The following KLF8 variants were observed in gnomAD, a reference collection of about 807,000 sequenced individuals.
KLF8 encodes KLF transcription factor 8.
KLF8 carries 10 observed loss-of-function variants against 18.2 expected under a neutral mutation model. The observed-to-expected ratio is 0.55, with a 90% CI of 0.34 to 0.93. KLF8 has a LOEUF of 0.93. KLF8 is among the 40% of genes least tolerant of loss of function. The pLI is 0.02. For synonymous variants in KLF8, 109 were observed against 97.3 expected, an observed-to-expected ratio of 1.12 and a Z score of -0.71; for missense variants, 264 against 277.9, an observed-to-expected ratio of 0.95 and a Z score of 0.36.
At chrX:56,094,386 C>T in the KLF8 span, among the ~76,000 whole-genome samples, 1 of 111,034 alleles carries the variant, frequency 9.0e-6, no homozygotes, top group East Asian at 2.8e-4. Context: ...TATATAATGA[C>T]TAAGTACAAA....
chrX:56,194,045 G>C, the KLF8 span, among the ~76,000 whole-genome samples: 3 of 111,813 alleles, frequency 2.7e-5, no homozygotes, highest in Non-Finnish European at 5.6e-5. Flanking sequence ...TGATTACTGT[G>C]TATTGCATCC....
the KLF8 span, among the ~76,000 whole-genome samples, chrX:56,060,803 G>C: frequency 9.0e-6 from 1 of 111,622 alleles, no homozygotes; most frequent in Non-Finnish European, 1.9e-5. Context: ...GGTAGAATTC[G>C]GCTGTGAATC....
At chrX:56,101,343 A>T in the KLF8 span, among the ~76,000 whole-genome samples, 1 of 111,831 alleles carries the variant, frequency 8.9e-6, no homozygotes, top group Non-Finnish European at 1.9e-5. Context: ...GTCTATATGT[A>T]CCATATTTTC....
At chrX:56,176,932 G>C in the KLF8 span, among the ~76,000 whole-genome samples, 3 of 111,466 alleles carry the variant, frequency 2.7e-5, no homozygotes, top group Non-Finnish European at 3.8e-5. Flanking sequence ...TATACTTCTC[G>C]TGCCTTGGTT....
At chrX:55,934,414 C>T in the KLF8 span, among the ~76,000 whole-genome samples, 1 of 112,085 alleles carries the variant, frequency 8.9e-6, no homozygotes, top group Non-Finnish European at 1.9e-5. Context: ...TACAGCATTC[C>T]ATCAAACATA....
chrX:56,120,455 G>A, the KLF8 span, among the ~76,000 whole-genome samples: 2 of 112,153 alleles, frequency 1.8e-5, no homozygotes, highest in Non-Finnish European at 3.8e-5. Flanking sequence ...CAGCTGGCCA[G>A]GTGTCCAACT....
the KLF8 span, among the ~76,000 whole-genome samples, chrX:56,076,441 T>C: frequency 1.8e-5 from 2 of 110,539 alleles, no homozygotes; most frequent in Non-Finnish European, 3.8e-5. Flanking sequence ...ATTTCCAATT[T>C]CATCCATGTC....
At chrX:56,189,807 G>A in the KLF8 span, among the ~76,000 whole-genome samples, 175 of 97,469 alleles carry the variant, frequency 1.8e-3, 1 homozygote, top group Non-Finnish European at 3.1e-3. Flanking sequence ...ACTCATAGGT[G>A]GGAATTGAAC....
chrX:56,250,278 G>T lies in KLF8; in HGVS notation c.55G>T (p.Gly19Cys), dbSNP rs1409861399. 38 of 1,205,745 alleles carry T rather than the reference G, an allele frequency of 3.2e-5. No homozygotes were observed. The East Asian group carries it at 1.0e-3, about 32-fold the overall frequency. ...CTTGGAGGTCCAACTTAATTCAGAAGGTGGCTCAATGCAGGTATTCAAGCA... is the reference window on the plus strand; with the variant it reads ...CTTGGAGGTCCAACTTAATTCAGAATGTGGCTCAATGCAGGTATTCAAGCA... ...NNLEVQLNSE[G>C]GSMQVFKQVT... The change falls in exon 2 of 6, where the codon GGT (glycine) becomes TGT (cysteine). Residue 19 changes from glycine (G) to cysteine (C), a missense_variant. Around this residue, in one of 2 missense-constraint regions of KLF8, gnomAD observed 221 missense variants for 193.6 expected, o/e 1.14. Coordinates refer to ENST00000468660, the MANE Select transcript of KLF8 (RefSeq NM_007250.5).
At chrX:56,088,629 C>A in the KLF8 span, among the ~76,000 whole-genome samples, 4 of 111,763 alleles carry the variant, frequency 3.6e-5, no homozygotes, top group Non-Finnish European at 7.5e-5. Flanking sequence ...CTCTCCTTTT[C>A]TCACTTTTAT....
chrX:56,074,437 G>A, the KLF8 span: 2 of 111,133 alleles, frequency 1.8e-5, no homozygotes, highest in Admixed American at 1.9e-4. Flanking sequence ...TATATATTTA[G>A]GTGATTGATT....
rs1194088007 is a variant in KLF8 at position 56,286,854 on chromosome X, T to C, written c.*2360T>C. ...CTAGGCGATATCTAGGGCCAGTCTG[T>C]TAAAGGGGACCTCTAATGTAGCTAT... On this transcript the variant is annotated 3_prime_UTR_variant, in exon 6 of 6. Coordinates refer to ENST00000468660, the MANE Select transcript of KLF8 (RefSeq NM_007250.5). 8.9e-6 allele frequency: 1 copy of C among 112,149 alleles called. No individual in the cohort carries two copies. Among genetic ancestry groups the C allele is most frequent in the Non-Finnish European group, 1.9e-5 (1 of 53,247 alleles). The allele number at this position is 112,149 out of a possible 1,213,427, so 9.2% of individuals were successfully genotyped here. A position where few individuals can be genotyped will look rare whatever the true frequency, so the allele number is the denominator to read the frequency against.
rs1416256922 is a variant in KLF8 at position 56,276,735 on chromosome X, T to C, written c.898+6414T>C. On this transcript the variant is annotated intron_variant, in intron 5 of 5. Transcript: ENST00000468660. ...TTAAATGCTTTGAGGTGGTCTTCTT[T>C]GGGTTAAATTTGCTTGGTGTTCTAT... Among the ~76,000 whole-genome samples, 4 of 111,791 alleles carry C rather than the reference T, an allele frequency of 3.6e-5. No individual in the cohort carries two copies. The East Asian group carries it at 1.1e-3, about 31-fold the overall frequency.
chrX:56,045,656 T>C, the KLF8 span, among the ~76,000 whole-genome samples: 1 of 112,091 alleles, frequency 8.9e-6, no homozygotes, highest in East Asian at 2.8e-4. Flanking sequence ...ATTTTACTTT[T>C]TTTGCACCTG....
the KLF8 span, among the ~76,000 whole-genome samples, chrX:55,943,299 T>A: frequency 9.1e-6 from 1 of 110,003 alleles, no homozygotes; most frequent in Non-Finnish European, 1.9e-5. Flanking sequence ...AATTTGGGAA[T>A]CATTAGGATA....
At chrX:56,168,605 C>T in the KLF8 span, among the ~76,000 whole-genome samples, 3 of 110,364 alleles carry the variant, frequency 2.7e-5, no homozygotes, top group East Asian at 2.9e-4. Context: ...CCCATGAACT[C>T]ATCATTTACA....
intron 5 of KLF8, among the ~76,000 whole-genome samples, chrX:56,276,585 G>T (rs2067126283): frequency 9.0e-6 from 1 of 111,446 alleles, no homozygotes; most frequent in South Asian, 3.8e-4. Context: ...CTCTCTACTG[G>T]CCTTTAAGGT....
At chrX:56,149,725 T>C in the KLF8 span, among the ~76,000 whole-genome samples, 1 of 111,179 alleles carries the variant, frequency 9.0e-6, no homozygotes, top group African/African-American at 3.3e-5. Context: ...TGTTAAAAAT[T>C]ATCAAATATT....
chrX:56,110,317 C>CT, the KLF8 span, among the ~76,000 whole-genome samples: 1 of 111,164 alleles, frequency 9.0e-6, no homozygotes, highest in African/African-American at 3.3e-5. Context: ...CATGGAATAG[C>CT]TTTTTTCATT....
Sources: allele counts gnomAD v4.1 joint callset (sites outside exome capture counted in the v4.1 genomes callset), GRCh38; gene constraint gnomAD v4.1.1; regional missense constraint gnomAD v4.1.1; transcripts MANE v1.5; gene names NCBI Gene and HGNC (gene_info 2026-07-23, HGNC 2026-07-21).